RAD21L1: variants seen among roughly 807,000 people sequenced by gnomAD.
The protein encoded by RAD21L1 is double-strand-break repair protein rad21-like protein 1.
Under a neutral mutation model 69.0 loss-of-function variants are expected in RAD21L1, and 47 were observed. That is an observed-to-expected ratio of 0.68 (90% CI 0.54 to 0.87). The LOEUF (loss-of-function observed/expected upper bound fraction) is 0.87, where lower values mean the gene tolerates loss of function less well. Ranked by LOEUF, RAD21L1 falls within the 40% of genes least tolerant of loss-of-function variation. The pLI is 0.00. For missense variants in RAD21L1, 583 were observed against 647.6 expected (o/e 0.90, Z 1.08); for synonymous variants, 177 against 205.8 (o/e 0.86, Z 1.20).
chr20:1,243,272 GA>G, intron 10 of RAD21L1, 76 bp downstream of exon 10: 1 of 673,394 alleles, frequency 1.5e-6, no homozygotes, highest in South Asian at 2.4e-5. Context: ...ATTTCAAAAT[GA>G]AGGTGGGATC....
At chr20:1,244,200 A>G (rs1385202469) in intron 11 of RAD21L1, 30 bp downstream of exon 11, 9 of 1,456,166 alleles carry the variant, frequency 6.2e-6, no homozygotes, top group Non-Finnish European at 7.4e-6. Flanking sequence ...TCGTAAAAAT[A>G]TTTTATTTTC....
At chr20:1,242,926 A>AT in intron 9 of RAD21L1, 81 bp downstream of exon 9, 2 of 1,001,520 alleles carry the variant, frequency 2.0e-6, no homozygotes, top group Non-Finnish European at 3.0e-6. Context: ...ACATATTTAC[A>AT]TACATATATA....
At position 1,254,551 on chromosome 20, in the gene RAD21L1, C is replaced by A; in HGVS notation, c.*94C>A. 2 of 823,100 alleles carry A rather than the reference C, an allele frequency of 2.4e-6. No homozygotes were observed. Among genetic ancestry groups the A allele is most frequent in the South Asian group, 2.8e-5 (1 of 35,172 alleles). 51.0% of individuals were successfully genotyped at this position (823,100 alleles called of 1,614,324 possible). On this transcript the variant is annotated 3_prime_UTR_variant, in exon 14 of 14. Coordinates refer to ENST00000683101, the MANE Select transcript of RAD21L1 (RefSeq NM_001384355.1). Reference sequence around the variant, plus strand: ...AAGCCATCTGGAAGCAGCTGAAGGTCTGATCCATTTCATAGATAGGCTGAC... The same window carrying A: ...AAGCCATCTGGAAGCAGCTGAAGGTATGATCCATTTCATAGATAGGCTGAC...
At position 1,244,140 on chromosome 20, in the gene RAD21L1, T is replaced by G. The variant is rs1347417180; in HGVS notation, c.1278T>G (p.His426Gln). ...DVIGGSQHSS[H>Q]EDTNKNINSE... ...TTGGTGGATCTCAGCATAGCTCTCA[T>G]GAGGATACCAATAAAAATATTAACT... Residue 426 changes from histidine to glutamine, a missense_variant, in exon 11 of 14, where the codon CAT becomes CAG. Transcript: ENST00000683101. 2.6e-6 allele frequency: 4 copies of G among 1,546,534 alleles called. No individual in the cohort carries two copies. Among genetic ancestry groups the G allele is most frequent in the Non-Finnish European group, 2.6e-6 (3 of 1,143,554 alleles).
chr20:1,249,764 A>G (rs540609572), intron 13 of RAD21L1, among the ~76,000 whole-genome samples: 1 of 152,342 alleles, frequency 6.6e-6, no homozygotes, highest in South Asian at 2.1e-4. Context: ...GCTGCCATAA[A>G]GACTAAATAA....
intron 11 of RAD21L1, among the ~76,000 whole-genome samples, chr20:1,245,014 A>G (rs2087690988): frequency 6.6e-6 from 1 of 152,166 alleles, no homozygotes; most frequent in Non-Finnish European, 1.5e-5. Flanking sequence ...GCATTTGTTA[A>G]AGTGTACCTA....
chr20:1,240,083 T>A (rs1434761590), intron 7 of RAD21L1, among the ~76,000 whole-genome samples: 2 of 152,324 alleles, frequency 1.3e-5, no homozygotes, highest in East Asian at 3.8e-4. Flanking sequence ...CACCCTTAGA[T>A]GTCTCATGTG....
chr20:1,240,310 A>T lies in RAD21L1; in HGVS notation c.743-11A>T. 1.3e-6 allele frequency: 2 copies of T among 1,525,972 alleles called. No individual in the cohort carries two copies. Among genetic ancestry groups the T allele is most frequent in the Non-Finnish European group, 1.8e-6 (2 of 1,138,236 alleles). 94.5% of individuals were successfully genotyped at this position (1,525,972 alleles called of 1,614,324 possible). On this transcript the variant is annotated splice_polypyrimidine_tract_variant and intron_variant, in intron 7 of 13. Coordinates refer to ENST00000683101, the MANE Select transcript of RAD21L1 (RefSeq NM_001384355.1). ...TTTTTTTACAATTACTTTTATGTGG[A>T]TGTTGATTAGTTGAACCAGATAACT...
intron 8 of RAD21L1, among the ~76,000 whole-genome samples, chr20:1,242,417 G>A (rs2087625068): frequency 1.3e-5 from 2 of 152,084 alleles, no homozygotes; most frequent in Non-Finnish European, 2.9e-5. Flanking sequence ...ATTTTTTGTA[G>A]AGACGGGGTT....
chr20:1,240,341 T>C lies in RAD21L1; in HGVS notation c.763T>C (p.Cys255Arg). Residue 255 changes from cysteine to arginine, a missense_variant, in exon 8 of 14, where the codon TGT becomes CGT. Transcript: ENST00000683101. The stretch of plus-strand genomic sequence containing the variant: ...ATTAGTTGAACCAGATAACTCAGAG[T>C]GTATATGTGTACCTGAAAATGAAAA... ...SLAVEPDNSE[C>R]ICVPENEKMN... The C allele has an allele frequency of 1.3e-6, 2 of 1,546,392 alleles. No individual in the cohort carries two copies. Among genetic ancestry groups the C allele is most frequent in the African/African-American group, 1.4e-5 (1 of 72,884 alleles).
intron 6 of RAD21L1, among the ~76,000 whole-genome samples, chr20:1,239,111 G>A (rs1033637893): frequency 1.3e-5 from 2 of 152,144 alleles, no homozygotes; most frequent in African/African-American, 4.8e-5. Context: ...ATAGGAGTGA[G>A]CCACTGCGCC....
At chr20:1,228,017 G>A (rs1037161465) in intron 1 of RAD21L1, among the ~76,000 whole-genome samples, 18 of 152,128 alleles carry the variant, frequency 1.2e-4, no homozygotes, top group African/African-American at 4.3e-4. Flanking sequence ...TAGAAAAGAG[G>A]TGCCCTGTAT....
intron 9 of RAD21L1, 82 bp from the exon 10 acceptor site, chr20:1,243,015 C>T: frequency 1.0e-6 from 1 of 991,022 alleles, no homozygotes; most frequent in Non-Finnish European, 1.5e-6. Flanking sequence ...TATAGTTTTT[C>T]CTTTTTAGAT....
chr20:1,237,620 C>T (rs1434298413), intron 5 of RAD21L1, among the ~76,000 whole-genome samples: 1 of 151,324 alleles, frequency 6.6e-6, no homozygotes, highest in Non-Finnish European at 1.5e-5. Flanking sequence ...GTTTCCATTT[C>T]CTGAGATGAC....
In RAD21L1 at chr20:1,230,137, C is replaced by T. The variant is rs2087360664; in HGVS notation, c.274+128C>T. ...CTTAGTTTTGAATGAATCTAAGTTT[C>T]CATGGTTGAGGATAAATTGTATTCA... is the stretch of plus-strand genomic sequence containing the variant. On this transcript the variant is annotated intron_variant, in intron 3 of 13. Coordinates refer to ENST00000683101, the MANE Select transcript of RAD21L1 (RefSeq NM_001384355.1). The T allele has an allele frequency of 1.2e-5, 8 of 649,894 alleles. No individual in the cohort carries two copies. In the South Asian group the frequency reaches 1.8e-4, roughly 15 times the overall value. 40.3% of individuals were successfully genotyped at this position (649,894 alleles called of 1,614,324 possible). A position where few individuals can be genotyped will look rare whatever the true frequency, so the allele number is the denominator to read the frequency against.
intron 5 of RAD21L1, among the ~76,000 whole-genome samples, chr20:1,236,899 T>C (rs376854980): frequency 6.6e-6 from 1 of 152,266 alleles, no homozygotes; most frequent in African/African-American, 2.4e-5. Flanking sequence ...GCTGAGAATA[T>C]AGTGTCTTCA....
chr20:1,241,828 T>A (rs1268277787), intron 8 of RAD21L1, among the ~76,000 whole-genome samples: 1 of 152,216 alleles, frequency 6.6e-6, no homozygotes, highest in Non-Finnish European at 1.5e-5. Context: ...TTATCAATCC[T>A]GAGAAATCTA....
chr20:1,234,769 A>T (rs2087461264), intron 5 of RAD21L1, among the ~76,000 whole-genome samples: 1 of 151,690 alleles, frequency 6.6e-6, no homozygotes, highest in Non-Finnish European at 1.5e-5. Flanking sequence ...TTTTTTTTTG[A>T]CACAGGGTTT....
Position 1,254,282 on chromosome 20 carries a change from T to C in RAD21L1, c.1493T>C (p.Met498Thr), listed in dbSNP as rs1457305760. 6.6e-7 allele frequency: 1 copy of C among 1,513,560 alleles called. No homozygotes were observed. The highest frequency in any genetic ancestry group is 8.9e-7 in the Non-Finnish European group (1 of 1,125,702). 93.8% of individuals were successfully genotyped at this position (1,513,560 alleles called of 1,614,324 possible). A position where few individuals can be genotyped will look rare whatever the true frequency, so the allele number is the denominator to read the frequency against. Residue 498 changes from methionine (M) to threonine (T), a missense_variant, in exon 14 of 14, where the codon ATG becomes ACG. Coordinates refer to ENST00000683101, the MANE Select transcript of RAD21L1 (RefSeq NM_001384355.1). ...TTATTTTCCCAGGAATCTAACAAGA[T>C]GGGAATGCAGTCCTTTAGTCTGATG... ...MLNRLRESNK[M>T]GMQSFSLMKL...
Sources: gnomAD v4.1 joint callset for allele counts (sites outside exome capture counted in the v4.1 genomes callset) on GRCh38, gnomAD v4.1.1 for gene constraint, MANE v1.5 for transcripts, NCBI Gene and HGNC (gene_info 2026-07-23, HGNC 2026-07-21) for gene names.